RNF216: variants seen among roughly 807,000 people sequenced by gnomAD.
The protein encoded by RNF216 is ring finger protein 216.
Under a neutral mutation model 110.8 loss-of-function variants are expected in RNF216, and 72 were observed. The observed-to-expected ratio is 0.65, with a 90% CI of 0.54 to 0.79. RNF216 has a LOEUF of 0.79. RNF216 is among the 30% of genes least tolerant of loss of function. The pLI is 0.00. For missense variants in RNF216, 1,342 were observed against 1,141.2 expected, an observed-to-expected ratio of 1.18 and a Z score of -2.54; for synonymous variants, 495 against 407.5, an observed-to-expected ratio of 1.21 and a Z score of -2.59.
intron 13 of RNF216, among the ~76,000 whole-genome samples, chr7:5,665,961 C>T (rs540580950): frequency 2.0e-5 from 3 of 152,138 alleles, no homozygotes; most frequent in Non-Finnish European, 2.9e-5. Flanking sequence ...GTCAGGAGAT[C>T]GAGACGATCC....
chr7:5,702,441 T>A (rs1235702538), intron 13 of RNF216, among the ~76,000 whole-genome samples: 1 of 152,228 alleles, frequency 6.6e-6, no homozygotes, highest in Non-Finnish European at 1.5e-5. Flanking sequence ...TATTTTTACC[T>A]TTCCCTATTT....
chr7:5,623,963 C>G, intron 16 of RNF216, 93 bp downstream of exon 16: 1 of 1,091,882 alleles, frequency 9.2e-7, no homozygotes, highest in Admixed American at 2.1e-5. Context: ...CTCTCCTGTG[C>G]TGGGTTGAGT....
At chr7:5,779,499 T>G (rs1446153088) in intron 1 of RNF216, among the ~76,000 whole-genome samples, 1 of 151,892 alleles carries the variant, frequency 6.6e-6, no homozygotes, top group East Asian at 1.9e-4. Context: ...CCGACTAAAT[T>G]GAGATGTTTC....
rs186460948 is a variant in RNF216 at position 5,664,699 on chromosome 7, C to T, written c.2062-12189G>A. Among the ~76,000 whole-genome samples, 137 of 152,358 alleles carry T rather than the reference C, an allele frequency of 9.0e-4. 1 individual carries two copies. Among genetic ancestry groups the T allele is most frequent in the African/African-American group, 3.2e-3 (131 of 41,582 alleles). ...CCAGTTGCCGCCCAAGGGTAGGCTG[C>T]ACGCTTCCCCCACTGGCCAGCATTC... On this transcript the variant is annotated intron_variant, in intron 13 of 16. Transcript: ENST00000389902.
intron 8 of RNF216, among the ~76,000 whole-genome samples, chr7:5,725,034 T>TC (rs1215486919): frequency 6.6e-6 from 1 of 152,090 alleles, no homozygotes; most frequent in African/African-American, 2.4e-5. Flanking sequence ...GACCAGTTTT[T>TC]CCCCCCAAGC....
chr7:5,646,848 G>C (rs1788080215), intron 14 of RNF216, among the ~76,000 whole-genome samples: 1 of 152,112 alleles, frequency 6.6e-6, no homozygotes, highest in Admixed American at 6.6e-5. Flanking sequence ...GGAGTACTCT[G>C]AGTTGACTCA....
intron 4 of RNF216, chr7:5,739,631 C>T (rs924685788): frequency 1.9e-6 from 1 of 526,452 alleles, no homozygotes; most frequent in African/African-American, 1.9e-5. Flanking sequence ...TCTGTCTAGA[C>T]AAAGGGAATC....
In RNF216 at chr7:5,715,137, C is replaced by G; in HGVS notation, c.1749G>C (p.Glu583Asp). The G allele has an allele frequency of 6.2e-7, 1 of 1,613,944 alleles. No individual in the cohort carries two copies. The highest frequency in any genetic ancestry group is 8.5e-7 in the Non-Finnish European group (1 of 1,179,998). ...AGTGAGCATCTGCGCACTGCGTCAG[C>G]TCCTCGAATGGAAATTCCCCATAGC... ...RCCYGEFPFEELTQCADAHLF... is the reference protein window; with the variant it reads ...RCCYGEFPFEDLTQCADAHLF... Residue 583 changes from glutamate (E) to aspartate (D), a missense_variant, in exon 11 of 17, where the codon GAG becomes GAC. By Grantham distance (45) the Glu-to-Asp change is conservative. Coordinates refer to ENST00000389902, the MANE Select transcript of RNF216 (RefSeq NM_207111.4).
At chr7:5,654,971 A>G (rs1430609378) in intron 13 of RNF216, among the ~76,000 whole-genome samples, 2 of 152,238 alleles carry the variant, frequency 1.3e-5, no homozygotes, top group Non-Finnish European at 2.9e-5. Context: ...TGGAGAATAG[A>G]TGAGCTGATG....
intron 10 of RNF216, among the ~76,000 whole-genome samples, chr7:5,715,733 A>ATTTT: frequency 4.8e-5 from 5 of 104,476 alleles, no homozygotes; most frequent in Admixed American, 1.6e-4. Context: ...TCACCAACTC[A>ATTTT]TTCTTTTTTT....
intron 3 of RNF216, among the ~76,000 whole-genome samples, chr7:5,743,745 T>C (rs888709358): frequency 2.6e-5 from 4 of 152,186 alleles, no homozygotes; most frequent in African/African-American, 4.8e-5. Flanking sequence ...GGGAAGTCCC[T>C]AGAAGAAAGG....
intron 1 of RNF216, among the ~76,000 whole-genome samples, chr7:5,765,669 A>T (rs986204976): frequency 6.6e-6 from 1 of 151,364 alleles, no homozygotes; most frequent in East Asian, 2.0e-4. Flanking sequence ...TGGGGCTGGC[A>T]TGGTGGCTCA....
chr7:5,638,344 T>C (rs1251018832), intron 15 of RNF216, among the ~76,000 whole-genome samples: 1 of 152,244 alleles, frequency 6.6e-6, no homozygotes, highest in Non-Finnish European at 1.5e-5. Context: ...TGTACAACTT[T>C]AAACAACTCA....
At chr7:5,704,526 C>T (rs369425608) in intron 13 of RNF216, among the ~76,000 whole-genome samples, 29 of 152,340 alleles carry the variant, frequency 1.9e-4, no homozygotes, top group African/African-American at 6.7e-4. Context: ...ATGCACGTAG[C>T]GATTTGCTTT....
intron 1 of RNF216, among the ~76,000 whole-genome samples, chr7:5,764,079 T>C (rs1459025651): frequency 3.3e-5 from 5 of 151,708 alleles, no homozygotes; most frequent in Non-Finnish European, 7.4e-5. Flanking sequence ...TAATCCCAGC[T>C]ACTTGGGAGG....
At chr7:5,766,168 T>C (rs4263646) in intron 1 of RNF216, among the ~76,000 whole-genome samples, 135,859 of 151,964 alleles carry the variant, frequency 0.89, 60,901 homozygotes, top group Non-Finnish European at 0.92. Context: ...CATGTACCTA[T>C]AGTTTTAGCT....
chr7:5,633,230 G>C (rs1787185915), intron 15 of RNF216, among the ~76,000 whole-genome samples: 1 of 151,932 alleles, frequency 6.6e-6, no homozygotes, highest in South Asian at 2.1e-4. Context: ...ACCCGCCTTG[G>C]CCTCCCGAAG....
chr7:5,758,870 C>T (rs1462946392), intron 2 of RNF216, among the ~76,000 whole-genome samples: 3 of 152,016 alleles, frequency 2.0e-5, no homozygotes, highest in Non-Finnish European at 4.4e-5. Context: ...GTTGGGAAGA[C>T]GCAATTGTAT....
chr7:5,768,628 T>G (rs1352213206), intron 1 of RNF216, among the ~76,000 whole-genome samples: 1 of 151,760 alleles, frequency 6.6e-6, no homozygotes, highest in Non-Finnish European at 1.5e-5. Context: ...TAAAAGATAA[T>G]TAGGTAATTC....
Sources: allele counts gnomAD v4.1 joint callset (sites outside exome capture counted in the v4.1 genomes callset), GRCh38; gene constraint gnomAD v4.1.1; transcripts MANE v1.5; gene names NCBI Gene and HGNC (gene_info 2026-07-23, HGNC 2026-07-21).